SORL1: variants seen among roughly 807,000 people sequenced by gnomAD.
SORL1 encodes the protein sortilin-related receptor.
SORL1 carries 127 observed loss-of-function variants against 273.7 expected under a neutral mutation model. The observed-to-expected ratio is 0.46, with a 90% CI of 0.40 to 0.54. The LOEUF is 0.54. SORL1 is among the 20% of genes least tolerant of loss of function. The probability of loss-of-function intolerance (pLI) is 0.00; values close to 1 mark genes in which losing one functional copy is unlikely to be tolerated. For missense variants in SORL1, 2,494 were observed against 2,846.1 expected (o/e 0.88, Z 2.81); for synonymous variants, 1,031 against 1,067.4 (o/e 0.97, Z 0.66).
rs539745949 is a variant in SORL1 at position 121,536,936 on chromosome 11, C to T, written c.1685+4384C>T. ...CAGTGAGGTATAAGATTATGGAGAG[C>T]GCTGGGTGCGGTGGGAGCCAGAATG... On this transcript the variant is annotated intron_variant, in intron 12 of 47. Coordinates refer to ENST00000260197, the MANE Select transcript of SORL1 (RefSeq NM_003105.6). 5.3e-5 allele frequency among the ~76,000 whole-genome samples: 8 copies of T among 152,072 alleles called. No homozygotes were observed. The East Asian group carries it at 9.7e-4, about 18-fold the overall frequency.
At chr11:121,523,702 G>A (rs922801665) in intron 11 of SORL1, among the ~76,000 whole-genome samples, 3 of 152,066 alleles carry the variant, frequency 2.0e-5, no homozygotes, top group African/African-American at 7.2e-5. Flanking sequence ...GCTTTCAGGG[G>A]TGACCCTCTA....
intron 12 of SORL1, among the ~76,000 whole-genome samples, chr11:121,541,203 CTT>C (rs35609606): frequency 1.4e-4 from 18 of 127,086 alleles, no homozygotes; most frequent in Non-Finnish European, 1.8e-4. Context: ...GTAGCAGTAT[CTT>C]TTTTTTTTTT....
chr11:121,574,468 G>T, intron 24 of SORL1, 105 bp downstream of exon 24: 4 of 1,033,974 alleles, frequency 3.9e-6, no homozygotes, highest in East Asian at 2.5e-5. Flanking sequence ...GCCGTCTCAG[G>T]ATTTATGATA....
chr11:121,620,157 T>G (rs956028387), intron 43 of SORL1, among the ~76,000 whole-genome samples: 3 of 152,264 alleles, frequency 2.0e-5, no homozygotes, highest in Non-Finnish European at 4.4e-5. Flanking sequence ...TCTCCTCCGC[T>G]GCTGATATTT....
intron 1 of SORL1, among the ~76,000 whole-genome samples, chr11:121,465,651 C>G (rs1441978638): frequency 2.6e-5 from 4 of 152,156 alleles, no homozygotes; most frequent in Non-Finnish European, 4.4e-5. Flanking sequence ...CCTCAGCTTC[C>G]CGAGTAGCTG....
chr11:121,529,418 T>C (rs563671173), intron 11 of SORL1, among the ~76,000 whole-genome samples: 1 of 152,260 alleles, frequency 6.6e-6, no homozygotes, highest in African/African-American at 2.4e-5. Context: ...GGTTTCGCCA[T>C]GTTGGTTAGG....
chr11:121,617,844 A>G (rs1359285605), intron 41 of SORL1, among the ~76,000 whole-genome samples: 1 of 152,222 alleles, frequency 6.6e-6, no homozygotes, highest in Non-Finnish European at 1.5e-5. Context: ...AGGGATGCAT[A>G]GAGCAGAGGA....
chr11:121,608,438 C>T lies in SORL1; in HGVS notation c.5239+262C>T, dbSNP rs116109199. 1.1e-3 allele frequency: 481 copies of T among 425,368 alleles called. 4 individuals carry two copies. Among genetic ancestry groups the T allele is most frequent in the African/African-American group, 8.4e-3 (417 of 49,594 alleles). The allele number at this position is 425,368 out of a possible 1,614,324, so 26.3% of individuals were successfully genotyped here. On this transcript the variant is annotated intron_variant, in intron 38 of 47. Coordinates refer to ENST00000260197, the MANE Select transcript of SORL1 (RefSeq NM_003105.6). ...AAAGGGATTTCCAAAGGCCATCATG[C>T]GCAGCCCTTTGTGAGTAGTCAAAAT...
intron 25 of SORL1, among the ~76,000 whole-genome samples, chr11:121,578,932 A>G (rs1227466534): frequency 6.6e-6 from 1 of 152,242 alleles, no homozygotes; most frequent in Non-Finnish European, 1.5e-5. Context: ...TGCCGTTGGC[A>G]CAGGAAACAC....
chr11:121,612,928 G>A (rs1333152249), intron 40 of SORL1, 96 bp downstream of exon 40: 2 of 840,232 alleles, frequency 2.4e-6, no homozygotes, highest in Non-Finnish European at 3.9e-6. Context: ...GCCAGGGAAG[G>A]GGAGGTATTC....
chr11:121,508,522 C>T (rs935788423), intron 6 of SORL1, among the ~76,000 whole-genome samples: 1 of 152,170 alleles, frequency 6.6e-6, no homozygotes, highest in African/African-American at 2.4e-5. Context: ...CCAAGTCAGG[C>T]TATGTAAAGA....
At position 121,522,965 on chromosome 11, in the gene SORL1, C is replaced by T; in HGVS notation, c.1572C>T (p.Ser524=). ...LASKTNVYIS[S]SAGARWREAL... is the part of the protein sequence containing the mutation. The stretch of plus-strand genomic sequence containing the variant: ...GCAAGACAAACGTGTACATCTCTAG[C>T]AGTGCTGGAGCCAGGTGGCGAGAGG... Residue 524 remains serine, a synonymous_variant, in exon 11 of 48, where the codon AGC becomes AGT. Transcript: ENST00000260197. 1 of 1,613,628 alleles carries T rather than the reference C, an allele frequency of 6.2e-7. No individual in the cohort carries two copies. Among genetic ancestry groups the T allele is most frequent in the Non-Finnish European group, 8.5e-7 (1 of 1,179,522 alleles).
At chr11:121,604,452 G>A in intron 33 of SORL1, 128 bp downstream of exon 33, 3 of 1,250,886 alleles carry the variant, frequency 2.4e-6, no homozygotes, top group East Asian at 5.2e-5. Flanking sequence ...GGATAAAACA[G>A]ATTTGTGCCT....
At position 121,514,253 on chromosome 11, in the gene SORL1, G is replaced by A. The variant is rs1446008946; in HGVS notation, c.1143G>A (p.Lys381=). The change falls in exon 8 of 48, where the codon AAG becomes AAA. Residue 381 remains lysine, a synonymous_variant. Coordinates refer to ENST00000260197, the MANE Select transcript of SORL1 (RefSeq NM_003105.6). ...NLYISEAEGL[K]FSLSLENVLY... ...ACATCTCAGAGGCAGAGGGGCTGAA[G>A]TTCTCCCTGTCCTTGGAGAACGTGC... The A allele has an allele frequency of 1.9e-6, 3 of 1,614,226 alleles. No homozygotes were observed. The highest frequency in any genetic ancestry group is 2.2e-5 in the East Asian group (1 of 44,884).
intron 1 of SORL1, among the ~76,000 whole-genome samples, chr11:121,469,670 A>G (rs2134781100): frequency 6.6e-6 from 1 of 152,354 alleles, no homozygotes; most frequent in Middle Eastern, 3.4e-3. Context: ...AAATCTTACC[A>G]GTGCATGTCA....
At chr11:121,615,456 A>G (rs1468869628) in intron 41 of SORL1, among the ~76,000 whole-genome samples, 2 of 152,020 alleles carry the variant, frequency 1.3e-5, no homozygotes, top group East Asian at 1.9e-4. Flanking sequence ...AACTCCTAAT[A>G]TATTTATAGT....
intron 1 of SORL1, among the ~76,000 whole-genome samples, chr11:121,453,180 C>G (rs1473322252): frequency 6.6e-6 from 1 of 152,108 alleles, no homozygotes; most frequent in Non-Finnish European, 1.5e-5. Context: ...GAGATGCTCT[C>G]CATTCCTTCT....
At chr11:121,593,746 A>G (rs1386680749) in intron 31 of SORL1, among the ~76,000 whole-genome samples, 2 of 152,076 alleles carry the variant, frequency 1.3e-5, no homozygotes, top group Non-Finnish European at 2.9e-5. Flanking sequence ...TCTGGTTTGT[A>G]TTGGTTGCCC....
rs1861146713 is a variant in SORL1, at chr11:121,470,113, A to G, written c.392A>G (p.Lys131Arg). The G allele has an allele frequency of 6.2e-7, 1 of 1,612,290 alleles. No individual in the cohort carries two copies. The highest frequency in any genetic ancestry group is 1.1e-5 in the South Asian group (1 of 91,054). ...ARDSLALARP[K>R]SSDVYVSYDY... ...GATAGCCTGGCATTGGCGAGGCCCAAGAGCAGTGATGTAAGTGTTGTGTTG... is the reference window on the plus strand; with the variant it reads ...GATAGCCTGGCATTGGCGAGGCCCAGGAGCAGTGATGTAAGTGTTGTGTTG... The change falls in exon 2 of 48, where the codon AAG becomes AGG. Residue 131 changes from lysine to arginine, a missense_variant. Physicochemically the swap from Lys to Arg is conservative, Grantham distance 26. Coordinates refer to ENST00000260197, the MANE Select transcript of SORL1 (RefSeq NM_003105.6).
Sources: allele counts gnomAD v4.1 joint callset (sites outside exome capture counted in the v4.1 genomes callset), GRCh38; gene constraint gnomAD v4.1.1; transcripts MANE v1.5; gene names NCBI Gene and HGNC (gene_info 2026-07-23, HGNC 2026-07-21).